The following BTBD9 variants were observed in gnomAD, a reference collection of about 807,000 sequenced individuals.
BTBD9 encodes BTB domain containing 9, also known as BTB/POZ domain-containing protein 9.
Under a neutral mutation model 64.3 loss-of-function variants are expected in BTBD9, and 49 were observed. The ratio of observed to expected loss-of-function variants is 0.76; its 90% CI spans 0.61 to 0.97. The LOEUF (loss-of-function observed/expected upper bound fraction) is 0.97, where lower values mean the gene tolerates loss of function less well. Ranked by LOEUF, BTBD9 falls within the 50% of genes least tolerant of loss-of-function variation. BTBD9 has a pLI of 0.00. For missense variants in BTBD9, 598 were observed against 762.1 expected (o/e 0.78, Z 2.53); for synonymous variants, 260 against 274.7 (o/e 0.95, Z 0.53).
chr6:38,180,191 A>G (rs1582003361), intron 10 of BTBD9, among the ~76,000 whole-genome samples: 1 of 152,166 alleles, frequency 6.6e-6, no homozygotes, highest in East Asian at 1.9e-4. Flanking sequence ...ACGCAATGCA[A>G]ATGGGCATTC....
intron 1 of BTBD9, among the ~76,000 whole-genome samples, chr6:38,625,195 AT>A (rs935418117): frequency 6.6e-6 from 1 of 152,330 alleles, no homozygotes; most frequent in Non-Finnish European, 1.5e-5. Flanking sequence ...CTCATTATAC[AT>A]GCTATAAAAT....
At chr6:38,326,833 G>A (rs75185702) in intron 7 of BTBD9, among the ~76,000 whole-genome samples, 1 of 151,404 alleles carries the variant, frequency 6.6e-6, no homozygotes, top group Non-Finnish European at 1.5e-5. Flanking sequence ...CGTGGGGCCT[G>A]TCTGTACTAC....
intron 6 of BTBD9, among the ~76,000 whole-genome samples, chr6:38,570,446 T>C (rs551237190): frequency 1.3e-5 from 2 of 152,298 alleles, no homozygotes; most frequent in East Asian, 3.9e-4. Flanking sequence ...ACAGGACTAT[T>C]GTAAGAATTA....
At chr6:38,272,366 C>T (rs1430525535) in intron 8 of BTBD9, among the ~76,000 whole-genome samples, 1 of 152,292 alleles carries the variant, frequency 6.6e-6, no homozygotes, top group African/African-American at 2.4e-5. Flanking sequence ...TGGATTTGTA[C>T]AGATCTATCC....
intron 6 of BTBD9, among the ~76,000 whole-genome samples, chr6:38,367,773 T>C (rs1232691148): frequency 7.4e-6 from 1 of 135,698 alleles, no homozygotes; most frequent in Non-Finnish European, 1.5e-5. Context: ...GTATATCATC[T>C]TGCAAGAGTG....
chr6:38,596,519 G>A (rs1777035385), intron 2 of BTBD9, among the ~76,000 whole-genome samples: 1 of 150,462 alleles, frequency 6.6e-6, no homozygotes, highest in Non-Finnish European at 1.5e-5. Context: ...GTGGGCTCTT[G>A]GCCAGGTGCA....
At chr6:38,282,092 G>A (rs1387092154) in intron 8 of BTBD9, among the ~76,000 whole-genome samples, 1 of 152,136 alleles carries the variant, frequency 6.6e-6, no homozygotes, top group Non-Finnish European at 1.5e-5. Context: ...AGGCGACAGA[G>A]GGACTATAAA....
intron 9 of BTBD9, among the ~76,000 whole-genome samples, chr6:38,202,093 T>C (rs12206718): frequency 6.8e-6 from 1 of 147,738 alleles, no homozygotes; most frequent in African/African-American, 2.5e-5. Flanking sequence ...TTGTTTTTTT[T>C]TTTTTTTTTT....
At chr6:38,501,667 A>G (rs1332136451) in intron 6 of BTBD9, among the ~76,000 whole-genome samples, 1 of 152,088 alleles carries the variant, frequency 6.6e-6, no homozygotes, top group Non-Finnish European at 1.5e-5. Context: ...TGAGATCAAA[A>G]CTTCTGAATT....
At chr6:38,559,077 A>C (rs1775155158) in intron 6 of BTBD9, among the ~76,000 whole-genome samples, 1 of 152,070 alleles carries the variant, frequency 6.6e-6, no homozygotes, top group South Asian at 2.1e-4. Context: ...GTTTACTATA[A>C]CTGATTCCAT....
chr6:38,432,726 C>A (rs1768500496), intron 6 of BTBD9, among the ~76,000 whole-genome samples: 1 of 151,916 alleles, frequency 6.6e-6, no homozygotes. Context: ...ACCCTCCCCA[C>A]CTAGAGGCAG....
At chr6:38,195,820 A>T (rs1219740632) in intron 9 of BTBD9, among the ~76,000 whole-genome samples, 1 of 152,218 alleles carries the variant, frequency 6.6e-6, no homozygotes, top group Non-Finnish European at 1.5e-5. Flanking sequence ...ACACGTATGT[A>T]TTAAAACATA....
intron 10 of BTBD9, among the ~76,000 whole-genome samples, chr6:38,187,683 A>G (rs1761877705): frequency 6.6e-6 from 1 of 152,186 alleles, no homozygotes; most frequent in Non-Finnish European, 1.5e-5. Flanking sequence ...GATAAGGATG[A>G]TGCTGAGTAC....
chr6:38,431,515 C>T (rs958641096), intron 6 of BTBD9, among the ~76,000 whole-genome samples: 8 of 152,088 alleles, frequency 5.3e-5, no homozygotes, highest in Admixed American at 2.6e-4. Flanking sequence ...TTAAGATAGC[C>T]TTCAAAAACC....
chr6:38,520,713 G>A (rs997935325), intron 6 of BTBD9, among the ~76,000 whole-genome samples: 10 of 151,896 alleles, frequency 6.6e-5, no homozygotes, highest in South Asian at 6.3e-4. Context: ...TGGGAGGAGC[G>A]CTTTAGCTCA....
intron 1 of BTBD9, among the ~76,000 whole-genome samples, chr6:38,599,996 C>T (rs990951026): frequency 2.6e-5 from 4 of 152,166 alleles, no homozygotes; most frequent in African/African-American, 9.6e-5. Context: ...ACTGCAGCCT[C>T]CATTTGAAAG....
chr6:38,286,186 G>A (rs963136615), intron 8 of BTBD9, among the ~76,000 whole-genome samples: 4 of 152,078 alleles, frequency 2.6e-5, no homozygotes, highest in Non-Finnish European at 4.4e-5. Flanking sequence ...CTGTAATGTG[G>A]CCCTTTATAA....
intron 7 of BTBD9, among the ~76,000 whole-genome samples, chr6:38,324,793 C>T (rs978157647): frequency 6.6e-6 from 1 of 152,152 alleles, no homozygotes; most frequent in Admixed American, 6.5e-5. Context: ...AGGCATCTCA[C>T]TTTTGGATAA....
chr6:38,615,373 G>A (rs1449636779), intron 1 of BTBD9, among the ~76,000 whole-genome samples: 1 of 151,974 alleles, frequency 6.6e-6, no homozygotes, highest in Non-Finnish European at 1.5e-5. Flanking sequence ...ACACTTCAGT[G>A]CCTTCCTATC....
Sources: allele counts gnomAD v4.1 joint callset (sites outside exome capture counted in the v4.1 genomes callset), GRCh38; gene constraint gnomAD v4.1.1; transcripts MANE v1.5; gene names NCBI Gene and HGNC (gene_info 2026-07-23, HGNC 2026-07-21).